WDTC1: variants seen among roughly 807,000 people sequenced by gnomAD.
WDTC1 encodes the protein WD and tetratricopeptide repeats 1, also known as WD and tetratricopeptide repeats protein 1.
A neutral mutation model predicts 76.0 loss-of-function variants in WDTC1; 12 were observed. The observed-to-expected ratio is 0.16, with a 90% CI of 0.10 to 0.26. The LOEUF (loss-of-function observed/expected upper bound fraction) is 0.26. WDTC1 is among the 10% of genes least tolerant of loss of function. The probability of loss-of-function intolerance (pLI) is 1.00; values close to 1 mark genes in which losing one functional copy is unlikely to be tolerated. For synonymous variants in WDTC1, 326 were observed against 350.8 expected (o/e 0.93, Z 0.79); for missense variants, 511 against 908.8 (o/e 0.56, Z 5.63).
intron 1 of WDTC1, chr1:27,255,553 AC>A (rs2012248910): frequency 6.6e-6 from 1 of 152,174 alleles, no homozygotes; most frequent in Non-Finnish European, 1.5e-5. Flanking sequence ...ATAACTTGGT[AC>A]CTTTGGACCA....
At chr1:27,273,754 A>G (rs1178323006) in intron 3 of WDTC1, among the ~76,000 whole-genome samples, 1 of 152,054 alleles carries the variant, frequency 6.6e-6, no homozygotes, top group Non-Finnish European at 1.5e-5. Context: ...ATTTAAGTGT[A>G]AGGGGTCCTG....
Position 27,234,825 on chromosome 1 carries a change from C to G in WDTC1, c.-226C>G, listed in dbSNP as rs117174865. ...CGGGGAGCATGGGAAGGGGCTAGAA[C>G]TGCTCGAGCCCCCCAGCCCCCTCCC... On this transcript the variant is annotated 5_prime_UTR_variant, in exon 1 of 16. Transcript: ENST00000319394. 5,784 of 397,408 alleles carry G rather than the reference C, an allele frequency of 0.015. 68 individuals carry two copies. The highest frequency in any genetic ancestry group is 0.02 in the Middle Eastern group (31 of 1,584). The allele number at this position is 397,408 out of a possible 1,614,324, so 24.6% of individuals were successfully genotyped here. A position where few individuals can be genotyped will look rare whatever the true frequency, so the allele number is the denominator to read the frequency against.
intron 1 of WDTC1, among the ~76,000 whole-genome samples, chr1:27,242,330 A>T (rs1045980373): frequency 3.9e-5 from 6 of 152,166 alleles, no homozygotes; most frequent in African/African-American, 1.4e-4. Flanking sequence ...GTAGCCAGGC[A>T]TGGTGATTTG....
At chr1:27,272,393 C>T (rs1387202506) in intron 3 of WDTC1, among the ~76,000 whole-genome samples, 2 of 152,088 alleles carry the variant, frequency 1.3e-5, no homozygotes. Flanking sequence ...CCATGCCCAG[C>T]CAATTTTTAA....
At chr1:27,261,840 G>A (rs1016255980) in intron 2 of WDTC1, among the ~76,000 whole-genome samples, 6 of 152,166 alleles carry the variant, frequency 3.9e-5, no homozygotes, top group Non-Finnish European at 8.8e-5. Flanking sequence ...ATGGCCATCT[G>A]CCTGTAGGCT....
At position 27,305,997 on chromosome 1, in the gene WDTC1, G is replaced by A. The variant is rs1036221585; in HGVS notation, c.1837-189G>A. 4.0e-5 allele frequency among the ~76,000 whole-genome samples: 6 copies of A among 151,812 alleles called. No individual in the cohort carries two copies. Among genetic ancestry groups the A allele is most frequent in the African/African-American group, 1.2e-4 (5 of 41,274 alleles). On this transcript the variant is annotated intron_variant, in intron 15 of 15. Transcript: ENST00000319394. The surrounding 1 kb of genome is among the most constrained non-coding windows in gnomAD (Gnocchi z 4.6). ...GCGTATCTCCCATATATATTCCAGC[G>A]TGAGCACCCCCAACAATATGTAGCC...
At chr1:27,294,406 T>G (rs2013626472) in intron 8 of WDTC1, 108 bp from the exon 9 acceptor site, 2 of 1,017,940 alleles carry the variant, frequency 2.0e-6, no homozygotes, top group Non-Finnish European at 3.0e-6. Flanking sequence ...TGTAGCTGCT[T>G]TTATGCTAAA....
At position 27,275,633 on chromosome 1, in the gene WDTC1, A is replaced by T. The variant is rs563288669; in HGVS notation, c.133-6606A>T. The stretch of plus-strand genomic sequence containing the variant: ...ACTCTGTCTCAAAAAAAAAAAAAAA[A>T]TAAAGAAAAAGATGGAGCGGGGATC... On this transcript the variant is annotated intron_variant, in intron 3 of 15. Transcript: ENST00000319394. Among the ~76,000 whole-genome samples, 4 of 151,842 alleles carry T rather than the reference A, an allele frequency of 2.6e-5. No homozygotes were observed. The East Asian group carries it at 7.7e-4, about 29-fold the overall frequency.
In WDTC1 at chr1:27,306,630, G is replaced by T; in HGVS notation, c.*247G>T. The T allele has an allele frequency of 1.9e-6, 1 of 534,930 alleles. No individual in the cohort carries two copies. Among genetic ancestry groups the T allele is most frequent in the Non-Finnish European group, 3.3e-6 (1 of 298,914 alleles). The allele number at this position is 534,930 out of a possible 1,614,324, so 33.1% of individuals were successfully genotyped here. On this transcript the variant is annotated 3_prime_UTR_variant, in exon 16 of 16. Transcript: ENST00000319394. The surrounding 1 kb of genome is among the most constrained non-coding windows in gnomAD (Gnocchi z 5.0). ...AGCAGGAGGGGACACCCCTCCATAT[G>T]CCCCCCCCCATCTCCTGCTTTCATG... is the stretch of plus-strand genomic sequence containing the variant.
At chr1:27,257,069 A>G (rs563724409) in intron 1 of WDTC1, among the ~76,000 whole-genome samples, 1 of 152,162 alleles carries the variant, frequency 6.6e-6, no homozygotes, top group South Asian at 2.1e-4. Context: ...TCACCATGTT[A>G]GCCAGGATGG....
rs2013951099 is a variant in WDTC1 at position 27,306,210 on chromosome 1, G to A, written c.1861G>A (p.Val621Met). ...GAGTGAAGACCTCACAGGCCGAGTC[G>A]TGGAAGATATGGAGGGTGCTTCACA... The part of the protein sequence containing the change: ...PESEDLTGRV[V>M]EDMEGASQAN... The change falls in exon 16 of 16, where the codon GTG (valine) becomes ATG (methionine). Residue 621 changes from valine to methionine, a missense_variant. Transcript: ENST00000319394. The surrounding 1 kb of genome is among the most constrained non-coding windows in gnomAD (Gnocchi z 5.0). 1.9e-6 allele frequency: 3 copies of A among 1,614,082 alleles called. No individual in the cohort carries two copies. The highest frequency in any genetic ancestry group is 8.5e-7 in the Non-Finnish European group (1 of 1,180,018).
chr1:27,272,110 G>A (rs918441373), intron 3 of WDTC1, among the ~76,000 whole-genome samples: 1 of 151,686 alleles, frequency 6.6e-6, no homozygotes, highest in African/African-American at 2.4e-5. Context: ...GCCGTGCGAG[G>A]TGGTGCACGC....
chr1:27,293,610 ACAG>A (rs2013601478), intron 7 of WDTC1, among the ~76,000 whole-genome samples: 2 of 152,050 alleles, frequency 1.3e-5, no homozygotes. Flanking sequence ...CAGAACCCCC[ACAG>A]CACTCTCAGA....
intron 1 of WDTC1, among the ~76,000 whole-genome samples, chr1:27,242,486 G>A (rs1213992282): frequency 6.6e-6 from 1 of 150,938 alleles, no homozygotes; most frequent in East Asian, 2.0e-4. Context: ...TTTTTGAGAC[G>A]GAGACGGAGT....
chr1:27,287,950 C>G, intron 6 of WDTC1, 89 bp downstream of exon 6: 2 of 1,466,968 alleles, frequency 1.4e-6, no homozygotes, highest in Non-Finnish European at 1.8e-6. Context: ...CTCTTTCCCT[C>G]CAGCAGAGGT....
intron 1 of WDTC1, among the ~76,000 whole-genome samples, chr1:27,235,229 G>A (rs1360878873): frequency 6.6e-6 from 1 of 152,198 alleles, no homozygotes; most frequent in African/African-American, 2.4e-5. Context: ...GGGAGAGGTG[G>A]AAGTCATTCC....
In WDTC1 at chr1:27,305,115, G is replaced by C. The variant is rs768470159; in HGVS notation, c.1758G>C (p.Leu586=). 2.5e-6 allele frequency: 4 copies of C among 1,613,890 alleles called. No homozygotes were observed. The highest frequency in any genetic ancestry group is 3.3e-5 in the Admixed American group (2 of 59,984). The part of the protein sequence containing the change: ...LQGDESIVNC[L]QPHPSYCFLA... ...GGGATGAGTCCATTGTCAACTGCCT[G>C]CAGCCACACCCCAGCTACTGCTTCC... is the stretch of plus-strand genomic sequence containing the variant. The change falls in exon 15 of 16, where the codon CTG becomes CTC. Residue 586 remains leucine (L), a synonymous_variant. Coordinates refer to ENST00000319394, the MANE Select transcript of WDTC1 (RefSeq NM_001276252.2). The surrounding 1 kb of genome is among the most constrained non-coding windows in gnomAD (Gnocchi z 4.6).
At chr1:27,289,130 G>T (rs1291836085) in intron 6 of WDTC1, among the ~76,000 whole-genome samples, 1 of 136,076 alleles carries the variant, frequency 7.3e-6, no homozygotes, top group Non-Finnish European at 1.6e-5. Context: ...GGGCAGAGGG[G>T]CTCCTCACTT....
chr1:27,269,803 C>T (rs554136906), intron 3 of WDTC1, among the ~76,000 whole-genome samples: 3 of 151,434 alleles, frequency 2.0e-5, no homozygotes, highest in South Asian at 4.2e-4. Flanking sequence ...GTAGAGACGA[C>T]GTTTCACCAT....
Sources: gnomAD v4.1 joint callset for allele counts (sites outside exome capture counted in the v4.1 genomes callset) on GRCh38, gnomAD v4.1.1 for gene constraint, Gnocchi (gnomAD v3.1) non-coding constraint, MANE v1.5 for transcripts, NCBI Gene and HGNC (gene_info 2026-07-23, HGNC 2026-07-21) for gene names.